Variants in DPYD observed in about 807,000 individuals in gnomAD.
The protein encoded by DPYD is dihydropyrimidine dehydrogenase, also known as dihydropyrimidine dehydrogenase [NADP(+)].
A neutral mutation model predicts 116.2 loss-of-function variants in DPYD; 109 were observed. The ratio of observed to expected loss-of-function variants is 0.94; its 90% CI spans 0.80 to 1.10. The LOEUF is 1.10. DPYD is among the 50% of genes least tolerant of loss of function. The probability of loss-of-function intolerance (pLI) is 0.00; values close to 1 mark genes in which losing one functional copy is unlikely to be tolerated. For missense variants in DPYD, 1,302 were observed against 1,254.5 expected, an observed-to-expected ratio of 1.04 and a Z score of -0.57; for synonymous variants, 440 against 432.0, an observed-to-expected ratio of 1.02 and a Z score of -0.23.
chr1:97,382,324 C>A (rs1357859583), intron 15 of DPYD, 69 bp downstream of exon 15: 15 of 881,882 alleles, frequency 1.7e-5, no homozygotes, highest in Non-Finnish European at 2.6e-5. Flanking sequence ...CTCATGGCAG[C>A]TCTTTATTTA....
At chr1:97,482,758 C>T (rs747186426) in intron 13 of DPYD, among the ~76,000 whole-genome samples, 1 of 152,042 alleles carries the variant, frequency 6.6e-6, no homozygotes, top group African/African-American at 2.4e-5. Context: ...AGCACTCCCA[C>T]CCCACCTCAC....
intron 19 of DPYD, among the ~76,000 whole-genome samples, chr1:97,221,528 C>T (rs1316658659): frequency 1.3e-5 from 2 of 151,998 alleles, no homozygotes; most frequent in African/African-American, 4.8e-5. Flanking sequence ...TTCAATAGAT[C>T]ATTAATACTC....
intron 3 of DPYD, among the ~76,000 whole-genome samples, chr1:97,785,330 C>T (rs1666960960): frequency 6.6e-6 from 1 of 152,138 alleles, no homozygotes. Context: ...ACAACATGCA[C>T]CACACAGATT....
chr1:97,289,635 CA>C (rs1558002978), intron 18 of DPYD, among the ~76,000 whole-genome samples: 1 of 152,112 alleles, frequency 6.6e-6, no homozygotes, highest in African/African-American at 2.4e-5. Flanking sequence ...CAAAATTTAA[CA>C]ACCCTTCATG....
In DPYD at chr1:97,795,944, G is replaced by C. The variant is rs149158759; in HGVS notation, c.233+32170C>G. Among the ~76,000 whole-genome samples the C allele has an allele frequency of 2.8e-3, 418 of 151,946 alleles. 2 individuals are homozygous for C. The highest frequency in any genetic ancestry group is 9.0e-3 in the African/African-American group (372 of 41,494). ...TTTGAATTATCCTTATAAATTTTCT[G>C]ATAATGAGGGTAGGCTATCATCAAA... On this transcript the variant is annotated intron_variant, in intron 3 of 22. Coordinates refer to ENST00000370192, the MANE Select transcript of DPYD (RefSeq NM_000110.4).
At chr1:97,847,439 A>C (rs1670360912) in intron 2 of DPYD, among the ~76,000 whole-genome samples, 1 of 152,216 alleles carries the variant, frequency 6.6e-6, no homozygotes, top group Non-Finnish European at 1.5e-5. Flanking sequence ...TTGAAAAAGG[A>C]TTCCTAGTGC....
At chr1:97,801,836 G>GT (rs138232496) in intron 3 of DPYD, among the ~76,000 whole-genome samples, 9 of 151,604 alleles carry the variant, frequency 5.9e-5, no homozygotes, top group African/African-American at 1.2e-4. Flanking sequence ...TGCTTAGCAT[G>GT]TTTTTTTCCA....
At chr1:97,636,631 T>A (rs12070513) in intron 8 of DPYD, among the ~76,000 whole-genome samples, 17,223 of 152,194 alleles carry the variant, frequency 0.11, 1,086 homozygotes, top group Middle Eastern at 0.17. Context: ...ATCATTTTTA[T>A]AATTATTATT....
chr1:97,216,364 A>G (rs1660397105), intron 19 of DPYD, among the ~76,000 whole-genome samples: 1 of 152,214 alleles, frequency 6.6e-6, no homozygotes, highest in Admixed American at 6.5e-5. Flanking sequence ...TTTGTTGAGT[A>G]GTCTGCAGTA....
intron 2 of DPYD, among the ~76,000 whole-genome samples, chr1:97,846,395 G>A (rs1670304368): frequency 2.0e-5 from 3 of 152,156 alleles, no homozygotes; most frequent in African/African-American, 7.2e-5. Flanking sequence ...TGAACCTAAG[G>A]AGGGTGCTCT....
intron 10 of DPYD, among the ~76,000 whole-genome samples, chr1:97,574,651 A>T (rs1197634250): frequency 6.6e-6 from 1 of 152,112 alleles, no homozygotes; most frequent in African/African-American, 2.4e-5. Context: ...GTTTGTTTTC[A>T]TATGCATAAT....
chr1:97,528,428 TAATATTAATTG>T lies in DPYD; in HGVS notation c.1525-12498_1525-12488del, dbSNP rs1382183572. ...CATAAAATAAGACTAGAAAATTAAA[TAATATTAATTG>T]GCTCCATGGCATAATGGTCAGCATA... On this transcript the variant is annotated intron_variant, in intron 12 of 22. Coordinates refer to ENST00000370192, the MANE Select transcript of DPYD (RefSeq NM_000110.4). Among the ~76,000 whole-genome samples the T allele has an allele frequency of 3.9e-5, 6 of 152,258 alleles. No individual in the cohort carries two copies. The East Asian group carries it at 1.2e-3, about 29-fold the overall frequency.
chr1:97,524,061 G>A (rs1209531746), intron 12 of DPYD, among the ~76,000 whole-genome samples: 1 of 151,734 alleles, frequency 6.6e-6, no homozygotes, highest in African/African-American at 2.4e-5. Context: ...AGAAGATACC[G>A]CAAAGGTGTC....
chr1:97,646,000 CTAATAT>C (rs1421751320), intron 8 of DPYD, among the ~76,000 whole-genome samples: 1 of 152,052 alleles, frequency 6.6e-6, no homozygotes, highest in African/African-American at 2.4e-5. Context: ...TAAAGCCAGT[CTAATAT>C]TTTCTCTTCA....
chr1:97,735,477 GC>G (rs1663873600), intron 4 of DPYD, among the ~76,000 whole-genome samples: 2 of 148,296 alleles, frequency 1.3e-5, no homozygotes, highest in Admixed American at 1.4e-4. Context: ...GAGTTGGAAA[GC>G]ATCCTAGCTA....
At chr1:97,622,975 T>C (rs1241696724) in intron 8 of DPYD, among the ~76,000 whole-genome samples, 1 of 151,998 alleles carries the variant, frequency 6.6e-6, no homozygotes, top group Non-Finnish European at 1.5e-5. Flanking sequence ...GAAGGGAGTA[T>C]CATGATACTG....
chr1:97,189,027 T>A (rs949684889), intron 20 of DPYD, among the ~76,000 whole-genome samples: 1 of 152,216 alleles, frequency 6.6e-6, no homozygotes, highest in African/African-American at 2.4e-5. Context: ...GTCAAGTGAT[T>A]ACTAATTCTT....
chr1:97,152,562 G>T (rs759085690), intron 20 of DPYD, among the ~76,000 whole-genome samples: 2 of 150,114 alleles, frequency 1.3e-5, no homozygotes, highest in Non-Finnish European at 3.0e-5. Context: ...TTAATGTCAC[G>T]TAAAAATACA....
chr1:97,245,734 T>A (rs554039194), intron 18 of DPYD, among the ~76,000 whole-genome samples: 2 of 152,012 alleles, frequency 1.3e-5, no homozygotes, highest in Admixed American at 1.3e-4. Flanking sequence ...AAAAAAGAGG[T>A]TCCACATCCA....
Sources: gnomAD v4.1 joint callset for allele counts (sites outside exome capture counted in the v4.1 genomes callset) on GRCh38, gnomAD v4.1.1 for gene constraint, MANE v1.5 for transcripts, NCBI Gene and HGNC (gene_info 2026-07-23, HGNC 2026-07-21) for gene names.